Variants in CUX1 observed in about 807,000 individuals in gnomAD.
The protein encoded by CUX1 is cut like homeobox 1, also known as protein CASP.
A neutral mutation model predicts 158.8 loss-of-function variants in CUX1; 31 were observed. The observed-to-expected ratio is 0.20, with a 90% CI of 0.15 to 0.26. The LOEUF is 0.26. Ranked by LOEUF, CUX1 falls within the 10% of genes least tolerant of loss-of-function variation. The pLI is 1.00. For synonymous variants in CUX1, 879 were observed against 862.1 expected, an observed-to-expected ratio of 1.02 and a Z score of -0.34; for missense variants, 1,589 against 2,014.6, an observed-to-expected ratio of 0.79 and a Z score of 4.04.
At chr7:102,269,982 C>A (rs1465410842) in intron 14 of CUX1, among the ~76,000 whole-genome samples, 50 of 152,214 alleles carry the variant, frequency 3.3e-4, no homozygotes, top group Non-Finnish European at 5.9e-5. Context: ...GCTGCCCACC[C>A]CTTCCCCCAC....
In CUX1 at chr7:102,201,914, C is replaced by T. The variant is rs1430347984; in HGVS notation, c.2617C>T (p.Pro873Ser). 2.5e-6 allele frequency: 4 copies of T among 1,613,908 alleles called. No individual in the cohort carries two copies. The highest frequency in any genetic ancestry group is 1.3e-5 in the African/African-American group (1 of 74,918). Residue 873 changes from proline to serine, a missense_variant, in exon 18 of 24, where the codon CCC becomes TCC. Physicochemically the swap from Pro to Ser is moderately conservative, Grantham distance 74. Transcript: ENST00000292535. This position sits in a 1 kb window ranked among gnomAD's most constrained non-coding sequence, Gnocchi z 5.0. ...PRAERSQLQGPSSSEYWKEWP... is the reference protein window; with the variant it reads ...PRAERSQLQGSSSSEYWKEWP... ...GGCCGAGCGCAGTCAGCTCCAGGGA[C>T]CCTCGTCGTCAGAGTACTGGAAGGA...
chr7:101,935,841 G>T (rs1806859685), intron 2 of CUX1, among the ~76,000 whole-genome samples: 1 of 152,216 alleles, frequency 6.6e-6, no homozygotes, highest in Non-Finnish European at 1.5e-5. Flanking sequence ...ACACTTGGGA[G>T]TCACATGGCC....
At position 102,248,888 on chromosome 7, in the gene CUX1, C is replaced by A; in HGVS notation, c.4364C>A (p.Ser1455Ter). The A allele has an allele frequency of 7.2e-7, 1 of 1,394,548 alleles. No homozygotes were observed. Among genetic ancestry groups the A allele is most frequent in the Non-Finnish European group, 9.4e-7 (1 of 1,066,500 alleles). 86.4% of individuals were successfully genotyped at this position (1,394,548 alleles called of 1,614,324 possible). A position where few individuals can be genotyped will look rare whatever the true frequency, so the allele number is the denominator to read the frequency against. Residue 1455 changes from serine to a stop codon, truncating the protein, a stop_gained, in exon 24 of 24, where the codon TCG (serine) becomes TAG (stop). Coordinates refer to ENST00000292535, the MANE Select transcript of CUX1 (RefSeq NM_181552.4). LOFTEE classifies it low-confidence loss of function (END_TRUNC). This position sits in a 1 kb window ranked among gnomAD's most constrained non-coding sequence, Gnocchi z 5.8. ...SSSSAPRRPS[S>*]LQSLFGLPEA... ...AGCAGCGCCCCCCGCAGGCCCAGCT[C>A]GCTGCAGAGCCTTTTCGGCCTCCCC...
chr7:101,818,436 C>G (rs945487719), intron 1 of CUX1, among the ~76,000 whole-genome samples: 3 of 152,144 alleles, frequency 2.0e-5, no homozygotes, highest in Non-Finnish European at 4.4e-5. Context: ...GCAAAATTGC[C>G]TGGAAAATGG....
intron 12 of CUX1, among the ~76,000 whole-genome samples, chr7:102,191,008 G>T (rs962021325): frequency 6.6e-6 from 1 of 152,036 alleles, no homozygotes; most frequent in Non-Finnish European, 1.5e-5. Context: ...AAAGCTCCTC[G>T]GGCATCCTCT....
At chr7:102,151,720 T>A (rs1490221957) in intron 8 of CUX1, among the ~76,000 whole-genome samples, 5 of 84,220 alleles carry the variant, frequency 5.9e-5, no homozygotes, top group African/African-American at 2.9e-4. Flanking sequence ...AGAGTGAGAC[T>A]CTGTCTCAAA....
chr7:101,984,348 GATCTGTA>G (rs1414995834), intron 2 of CUX1, among the ~76,000 whole-genome samples: 5 of 151,024 alleles, frequency 3.3e-5, no homozygotes, highest in South Asian at 4.2e-4. Context: ...GCATCCTGAT[GATCTGTA>G]AAGTGTACCC....
chr7:101,991,631 C>T (rs1815144985), intron 2 of CUX1, among the ~76,000 whole-genome samples: 1 of 152,000 alleles, frequency 6.6e-6, no homozygotes, highest in Non-Finnish European at 1.5e-5. Flanking sequence ...TGGTGGTGTG[C>T]ACCTGTAATC....
chr7:101,997,451 C>T (rs1277365261), intron 2 of CUX1, among the ~76,000 whole-genome samples: 1 of 152,140 alleles, frequency 6.6e-6, no homozygotes, highest in Non-Finnish European at 1.5e-5. Flanking sequence ...TCAAGAGATT[C>T]TCCTGCCCCA....
chr7:101,930,214 G>A (rs1806132082), intron 2 of CUX1, among the ~76,000 whole-genome samples: 1 of 152,146 alleles, frequency 6.6e-6, no homozygotes. Flanking sequence ...AATTGCTTTT[G>A]AGTATTTCTT....
chr7:101,820,808 C>G (rs1030165059), intron 1 of CUX1, among the ~76,000 whole-genome samples: 10 of 152,172 alleles, frequency 6.6e-5, no homozygotes, highest in African/African-American at 2.4e-4. Flanking sequence ...AACACTCAAG[C>G]AATTCTGGTA....
rs1554518478 is a variant in CUX1, at chr7:102,196,799, C to T, written c.1388C>T (p.Ser463Leu). 1 of 1,614,164 alleles carries T rather than the reference C, an allele frequency of 6.2e-7. No homozygotes were observed. The highest frequency in any genetic ancestry group is 1.7e-5 in the Admixed American group (1 of 60,010). ...GGGTTAAGTCAAGACTTTTTCAGCT[C>T]ATCCCTGGCAAGCCCCAGCCTACCC... ...PAGLSQDFFS[S>L]SLASPSLPLA... Residue 463 changes from serine (S) to leucine (L), a missense_variant, in exon 15 of 24, where the codon TCA becomes TTA. Ser to Leu is a moderately radical substitution (Grantham distance 145, BLOSUM62 -2). This residue lies in a region of CUX1 where 515 missense variants were observed against 574.4 expected (regional missense o/e 0.90). Transcript: ENST00000292535.
intron 16 of CUX1, 74 bp from the exon 17 acceptor site, chr7:102,199,997 A>G (rs1359115475): frequency 1.5e-6 from 2 of 1,294,024 alleles, no homozygotes; most frequent in African/African-American, 3.0e-5. Context: ...ATATATCAGA[A>G]TGACGTCTTC....
In CUX1 at chr7:102,244,435, G is replaced by A. The variant is rs57429236; in HGVS notation, c.3888-3977G>A. On this transcript the variant is annotated intron_variant, in intron 23 of 23. Transcript: ENST00000292535. ...AAATATCTCAGGCTGGGCCGGGCAC[G>A]GCCTGTAATCCCAGCATTTGGGGAG... is the stretch of plus-strand genomic sequence containing the variant. Among the ~76,000 whole-genome samples, 749 of 152,146 alleles carry A rather than the reference G, an allele frequency of 4.9e-3. 4 individuals are homozygous for A. The highest frequency in any genetic ancestry group is 0.017 in the African/African-American group (714 of 41,514).
At chr7:102,121,813 A>C (rs2131199233) in intron 8 of CUX1, among the ~76,000 whole-genome samples, 1 of 152,218 alleles carries the variant, frequency 6.6e-6, no homozygotes, top group Non-Finnish European at 1.5e-5. Flanking sequence ...CTTTAGGCTC[A>C]AATTCCAGTG....
At chr7:102,229,611 CTTTTT>C (rs781991747) in intron 21 of CUX1, among the ~76,000 whole-genome samples, 1 of 70,020 alleles carries the variant, frequency 1.4e-5, no homozygotes, top group East Asian at 3.7e-4. Context: ...CGTGTCTGGC[CTTTTT>C]TTTTTTTTTT....
intron 20 of CUX1, 60 bp downstream of exon 20, chr7:102,205,230 C>T (rs1255940684): frequency 3.9e-6 from 5 of 1,279,960 alleles, no homozygotes; most frequent in Admixed American, 3.4e-5. Context: ...TCTGTTGTCC[C>T]GTGCTGTGGT....
chr7:102,142,270 C>T lies in CUX1; in HGVS notation c.675-16290C>T, dbSNP rs1316476043. ...GTTGGAGGTACAGGCGGGATGCTCA[C>T]AGGTGAAGTAAACCAGGAATGGCAA... On this transcript the variant is annotated intron_variant, in intron 8 of 23. Transcript: ENST00000292535. 2.6e-5 allele frequency among the ~76,000 whole-genome samples: 4 copies of T among 152,104 alleles called. No individual in the cohort carries two copies. In the East Asian group the frequency reaches 7.7e-4, roughly 29 times the overall value.
intron 11 of CUX1, among the ~76,000 whole-genome samples, chr7:102,182,000 C>T (rs1554514128): frequency 6.6e-6 from 1 of 152,232 alleles, no homozygotes; most frequent in East Asian, 1.9e-4. Flanking sequence ...AAAGAACTCA[C>T]CTTTACTTAC....
Sources: allele counts gnomAD v4.1 joint callset (sites outside exome capture counted in the v4.1 genomes callset), GRCh38; gene constraint gnomAD v4.1.1; regional missense constraint gnomAD v4.1.1; non-coding constraint Gnocchi (gnomAD v3.1); transcripts MANE v1.5; gene names NCBI Gene and HGNC (gene_info 2026-07-23, HGNC 2026-07-21).